The following SEZ6L variants were observed in gnomAD, a reference collection of about 807,000 sequenced individuals.
The protein encoded by SEZ6L is seizure 6-like protein.
Under a neutral mutation model 106.2 loss-of-function variants are expected in SEZ6L, and 37 were observed. That is an observed-to-expected ratio of 0.35 (90% CI 0.27 to 0.46). The LOEUF is 0.46. Ranked by LOEUF, SEZ6L falls within the 20% of genes least tolerant of loss-of-function variation. SEZ6L has a pLI of 1.00. For missense variants in SEZ6L, 1,172 were observed against 1,332.8 expected, an observed-to-expected ratio of 0.88 and a Z score of 1.88; for synonymous variants, 541 against 570.4, an observed-to-expected ratio of 0.95 and a Z score of 0.73.
chr22:26,380,050 G>C (rs886804305), intron 16 of SEZ6L, among the ~76,000 whole-genome samples: 1 of 152,220 alleles, frequency 6.6e-6, no homozygotes, highest in African/African-American at 2.4e-5. Flanking sequence ...CAGATAGACA[G>C]GATGTGAGCA....
intron 5 of SEZ6L, among the ~76,000 whole-genome samples, chr22:26,304,704 A>G (rs1000528767): frequency 1.3e-5 from 2 of 152,218 alleles, no homozygotes; most frequent in South Asian, 2.1e-4. Context: ...CATGGTCTCA[A>G]TTGATTCTTG....
chr22:26,335,222 G>T (rs906859612), intron 9 of SEZ6L, among the ~76,000 whole-genome samples: 2 of 152,204 alleles, frequency 1.3e-5, no homozygotes, highest in African/African-American at 4.8e-5. Context: ...TGTCAAAAAA[G>T]ATTCAGAAGA....
rs535297600 is a variant in SEZ6L, at chr22:26,235,200, G to A, written c.95-57206G>A. Reference sequence around the variant, plus strand: ...GGTTTGGGACAGGAGGGTGGAGAAGGGGAAGCCCATTGTATGATGTTTAAT... The same window carrying A: ...GGTTTGGGACAGGAGGGTGGAGAAGAGGAAGCCCATTGTATGATGTTTAAT... On this transcript the variant is annotated intron_variant, in intron 1 of 16. Transcript: ENST00000248933. Among the ~76,000 whole-genome samples, 13 of 152,208 alleles carry A rather than the reference G, an allele frequency of 8.5e-5. No individual in the cohort carries two copies. In the South Asian group the frequency reaches 1.7e-3, roughly 19 times the overall value.
chr22:26,281,421 C>G (rs922955204), intron 1 of SEZ6L, among the ~76,000 whole-genome samples: 1 of 146,448 alleles, frequency 6.8e-6, no homozygotes, highest in African/African-American at 2.6e-5. Flanking sequence ...GCCGCCCAGG[C>G]TGGAGTGCAG....
intron 1 of SEZ6L, among the ~76,000 whole-genome samples, chr22:26,234,068 C>A (rs1051164172): frequency 6.6e-6 from 1 of 152,190 alleles, no homozygotes; most frequent in Non-Finnish European, 1.5e-5. Flanking sequence ...TGATTGTATT[C>A]TTAGTGCAAT....
chr22:26,184,780 C>T (rs958471287), intron 1 of SEZ6L, among the ~76,000 whole-genome samples: 6 of 152,084 alleles, frequency 3.9e-5, no homozygotes, highest in African/African-American at 1.4e-4. Context: ...AAAGTTTAGG[C>T]TTATTAATCT....
intron 13 of SEZ6L, 95 bp downstream of exon 13, chr22:26,365,661 C>G: frequency 8.2e-7 from 1 of 1,212,454 alleles, no homozygotes; most frequent in Non-Finnish European, 1.1e-6. Context: ...AAAAATTGGA[C>G]TAGGAGTTCG....
At chr22:26,232,996 C>G (rs185799621) in intron 1 of SEZ6L, among the ~76,000 whole-genome samples, 1 of 152,254 alleles carries the variant, frequency 6.6e-6, no homozygotes, top group Non-Finnish European at 1.5e-5. Context: ...GACACACACA[C>G]CCTTGTGTAC....
Position 26,329,713 on chromosome 22 carries a change from G to A in SEZ6L, c.2016-10723G>A, listed in dbSNP as rs547711344. 1.7e-4 allele frequency among the ~76,000 whole-genome samples: 26 copies of A among 152,308 alleles called. No homozygotes were observed. The East Asian group carries it at 4.8e-3, about 28-fold the overall frequency. ...TGCTGCATCTGAAATGAGCACAGAG[G>A]CCTTAGGACCTGGGTCTTTGGGGCT... On this transcript the variant is annotated intron_variant, in intron 9 of 16. Coordinates refer to ENST00000248933, the MANE Select transcript of SEZ6L (RefSeq NM_021115.5).
intron 1 of SEZ6L, among the ~76,000 whole-genome samples, chr22:26,210,640 G>A (rs939414573): frequency 2.0e-5 from 3 of 152,016 alleles, no homozygotes; most frequent in African/African-American, 7.3e-5. Flanking sequence ...TGGCAGCCCC[G>A]TGCACATTTC....
intron 1 of SEZ6L, among the ~76,000 whole-genome samples, chr22:26,248,344 C>A (rs1433369937): frequency 2.0e-5 from 3 of 152,132 alleles, no homozygotes; most frequent in African/African-American, 7.2e-5. Flanking sequence ...TAAGAGGGAA[C>A]TACTATTGGT....
At chr22:26,351,847 C>T (rs1347650972) in intron 12 of SEZ6L, among the ~76,000 whole-genome samples, 1 of 151,722 alleles carries the variant, frequency 6.6e-6, no homozygotes, top group African/African-American at 2.4e-5. Context: ...ACCCTGGCTT[C>T]ACTGATTTCA....
chr22:26,306,882 A>G (rs2081649183), intron 6 of SEZ6L, among the ~76,000 whole-genome samples: 1 of 152,206 alleles, frequency 6.6e-6, no homozygotes, highest in Non-Finnish European at 1.5e-5. Flanking sequence ...AAGATAGTCT[A>G]GAAAACTAGG....
At chr22:26,349,961 A>G (rs937908401) in intron 11 of SEZ6L, among the ~76,000 whole-genome samples, 2 of 152,124 alleles carry the variant, frequency 1.3e-5, no homozygotes, top group South Asian at 2.1e-4. Context: ...ACTACATTCC[A>G]GCACTACAGA....
chr22:26,343,203 C>T (rs967443027), intron 10 of SEZ6L, among the ~76,000 whole-genome samples: 2 of 151,996 alleles, frequency 1.3e-5, no homozygotes, highest in Admixed American at 1.3e-4. Context: ...GGTCTCCTGG[C>T]TCCTGTCTCT....
chr22:26,348,654 G>GAAAGAAAGAA lies in SEZ6L; in HGVS notation c.2407+743_2407+752dup, dbSNP rs2083128804. On this transcript the variant is annotated intron_variant, in intron 11 of 16. Transcript: ENST00000248933. ...AAAGAAAGAAAGAAAGAAAAAGAAA[G>GAAAGAAAGAA]AAAGAAAGAAAGAAAGAAAGAAAGA... Among the ~76,000 whole-genome samples, 11 of 41,482 alleles carry GAAAGAAAGAA rather than the reference G, an allele frequency of 2.7e-4. 1 individual carries two copies. The highest frequency in any genetic ancestry group is 4.1e-4 in the Non-Finnish European group (9 of 22,182). 27.2% of individuals were successfully genotyped at this position (41,482 alleles called of 152,430 possible).
Position 26,295,893 on chromosome 22 carries a change from G to A in SEZ6L, c.970-995G>A, listed in dbSNP as rs74363051. ...AGCAAAGGAACAGGCAAACTCCTTG[G>A]CAATCAGGGAAGGTCTCATAGAGGA... On this transcript the variant is annotated intron_variant, in intron 3 of 16. Coordinates refer to ENST00000248933, the MANE Select transcript of SEZ6L (RefSeq NM_021115.5). 2.8e-3 allele frequency among the ~76,000 whole-genome samples: 426 copies of A among 152,286 alleles called. 2 individuals are homozygous for A. Among genetic ancestry groups the A allele is most frequent in the African/African-American group, 0.01 (416 of 41,552 alleles).
intron 1 of SEZ6L, among the ~76,000 whole-genome samples, chr22:26,255,371 T>C (rs1602179876): frequency 2.6e-5 from 4 of 152,218 alleles, no homozygotes; most frequent in Admixed American, 1.3e-4. Flanking sequence ...GTGGCCTTCA[T>C]AGAGAAGAAG....
chr22:26,190,874 G>C (rs1398324561), intron 1 of SEZ6L, among the ~76,000 whole-genome samples: 1 of 152,214 alleles, frequency 6.6e-6, no homozygotes, highest in African/African-American at 2.4e-5. Context: ...GGAACTGAGT[G>C]TGTGCTAATA....
Sources: allele counts gnomAD v4.1 joint callset (sites outside exome capture counted in the v4.1 genomes callset), GRCh38; gene constraint gnomAD v4.1.1; transcripts MANE v1.5; gene names NCBI Gene and HGNC (gene_info 2026-07-23, HGNC 2026-07-21).